The following MDGA2 variants were observed in gnomAD, a reference collection of about 807,000 sequenced individuals.
MDGA2 encodes MAM domain-containing glycosylphosphatidylinositol anchor protein 2.
In MDGA2, 40 loss-of-function variants were observed where a neutral mutation model predicts 117.8. That is an observed-to-expected ratio of 0.34 (90% CI 0.26 to 0.44). The LOEUF is 0.44. Among genes scored for constraint, MDGA2 ranks in the 20% least tolerant of loss-of-function variants. The pLI, the probability that MDGA2 is intolerant of heterozygous loss-of-function variation, is 1.00. For missense variants in MDGA2, 1,123 were observed against 1,250.6 expected (o/e 0.90, Z 1.54); for synonymous variants, 452 against 439.0 (o/e 1.03, Z -0.37).
chr14:47,216,160 C>T (rs180676507), intron 3 of MDGA2, among the ~76,000 whole-genome samples: 59 of 152,160 alleles, frequency 3.9e-4, no homozygotes, highest in Non-Finnish European at 6.6e-4. Context: ...ATGAAAAAGG[C>T]TTTCTAGTAA....
At chr14:47,462,357 C>G (rs1215845352) in intron 1 of MDGA2, among the ~76,000 whole-genome samples, 16 of 116,208 alleles carry the variant, frequency 1.4e-4, no homozygotes, top group Non-Finnish European at 2.3e-4. Context: ...GCCTGGGCGA[C>G]AGAGAGAGAC....
At chr14:47,526,289 C>A (rs1181866150) in intron 1 of MDGA2, among the ~76,000 whole-genome samples, 11 of 152,050 alleles carry the variant, frequency 7.2e-5, no homozygotes, top group Non-Finnish European at 1.5e-4. Context: ...ATAAATAGTA[C>A]ACAAGATATT....
chr14:46,928,395 G>T (rs1884412604), intron 9 of MDGA2, among the ~76,000 whole-genome samples: 1 of 152,002 alleles, frequency 6.6e-6, no homozygotes, highest in Non-Finnish European at 1.5e-5. Flanking sequence ...AGGAAGTCTT[G>T]CCCAGTCATC....
chr14:47,415,046 C>T (rs972941615), intron 1 of MDGA2, among the ~76,000 whole-genome samples: 5 of 152,014 alleles, frequency 3.3e-5, no homozygotes, highest in Non-Finnish European at 7.4e-5. Context: ...TCACCCATTT[C>T]CTTTAACACC....
chr14:47,155,272 G>A (rs1034106291), intron 3 of MDGA2, among the ~76,000 whole-genome samples: 1 of 152,048 alleles, frequency 6.6e-6, no homozygotes. Context: ...ACAAGAACTC[G>A]GGACCTTCTG....
intron 4 of MDGA2, among the ~76,000 whole-genome samples, chr14:47,135,785 T>A (rs1416978535): frequency 6.6e-6 from 1 of 152,134 alleles, no homozygotes; most frequent in East Asian, 1.9e-4. Context: ...ATCAAATTAG[T>A]TATGTCACTA....
chr14:47,438,252 T>C (rs1394340755), intron 1 of MDGA2, among the ~76,000 whole-genome samples: 1 of 152,138 alleles, frequency 6.6e-6, no homozygotes, highest in African/African-American at 2.4e-5. Flanking sequence ...AGATTTTAGC[T>C]CATCTTCAAT....
In MDGA2 at chr14:47,242,868, C is replaced by T. The variant is rs185054308; in HGVS notation, c.421-24673G>A. Among the ~76,000 whole-genome samples the T allele has an allele frequency of 9.4e-4, 143 of 151,916 alleles. 1 individual carries two copies. In the East Asian group the frequency reaches 0.011, roughly 12 times the overall value. ...ACTGGCAGGCAGTTCCACCTGCAGC[C>T]CCGGTGTGGGATCCACTAGGTGAAG... is the stretch of plus-strand genomic sequence containing the variant. On this transcript the variant is annotated intron_variant, in intron 2 of 16. Transcript: ENST00000399232.
At chr14:47,372,956 TA>T (rs758058568) in intron 1 of MDGA2, among the ~76,000 whole-genome samples, 13 of 151,860 alleles carry the variant, frequency 8.6e-5, no homozygotes, top group Non-Finnish European at 1.8e-4. Context: ...TTTTAAATGA[TA>T]AAAAAAATTT....
intron 1 of MDGA2, among the ~76,000 whole-genome samples, chr14:47,612,634 G>A (rs961918446): frequency 6.6e-6 from 1 of 151,958 alleles, no homozygotes; most frequent in African/African-American, 2.4e-5. Context: ...GAAACTATTT[G>A]GGTATGCTTC....
intron 9 of MDGA2, among the ~76,000 whole-genome samples, chr14:46,951,455 T>C (rs1188353249): frequency 6.6e-6 from 1 of 151,994 alleles, no homozygotes. Context: ...TTACAGAATG[T>C]CACTTCTGTG....
chr14:47,000,861 TA>T (rs1449050314), intron 8 of MDGA2, among the ~76,000 whole-genome samples: 1 of 152,016 alleles, frequency 6.6e-6, no homozygotes, highest in Non-Finnish European at 1.5e-5. Flanking sequence ...AAAACCTAAG[TA>T]ATTCTTTGAT....
At chr14:47,122,393 G>A (rs1881699210) in intron 5 of MDGA2, among the ~76,000 whole-genome samples, 2 of 151,900 alleles carry the variant, frequency 1.3e-5, no homozygotes, top group Admixed American at 1.3e-4. Context: ...TTTTTTCATT[G>A]AGTGACCAAT....
chr14:47,256,930 A>T (rs1386331703), intron 2 of MDGA2, among the ~76,000 whole-genome samples: 2 of 151,682 alleles, frequency 1.3e-5, no homozygotes, highest in African/African-American at 4.8e-5. Flanking sequence ...AAGAGGAATG[A>T]AGGAAGTGAG....
At chr14:47,426,054 G>A (rs756765710) in intron 1 of MDGA2, among the ~76,000 whole-genome samples, 2 of 151,830 alleles carry the variant, frequency 1.3e-5, no homozygotes, top group Non-Finnish European at 2.9e-5. Flanking sequence ...TACACAGCCC[G>A]GATGTTTTCA....
rs542511152 is a variant in MDGA2, at chr14:46,841,310, A to AAAT, written c.*618_*620dup. 1 of 152,548 alleles carries AAAT rather than the reference A, an allele frequency of 6.6e-6. No individual in the cohort carries two copies. The highest frequency in any genetic ancestry group is 1.5e-5 in the Non-Finnish European group (1 of 68,050). The allele number at this position is 152,548 out of a possible 1,614,324, so 9.4% of individuals were successfully genotyped here. On this transcript the variant is annotated 3_prime_UTR_variant, in exon 17 of 17. Coordinates refer to ENST00000399232, the MANE Select transcript of MDGA2 (RefSeq NM_001113498.3). ...GTTATCTAGCTTAGCCATGGGAGAA[A>AAAT]AATAATAATAATAAAGGTGGGATGG...
chr14:47,590,224 A>C (rs952849810), intron 1 of MDGA2, among the ~76,000 whole-genome samples: 2 of 151,968 alleles, frequency 1.3e-5, no homozygotes, highest in Non-Finnish European at 2.9e-5. Flanking sequence ...ACCCTACAGT[A>C]TAATGTTAAC....
chr14:47,164,895 T>C (rs150341221), intron 3 of MDGA2, among the ~76,000 whole-genome samples: 1 of 152,180 alleles, frequency 6.6e-6, no homozygotes, highest in Non-Finnish European at 1.5e-5. Context: ...ATGTGGCACA[T>C]AGTCACCATG....
chr14:47,143,979 TAGAG>T, intron 4 of MDGA2, 95 bp downstream of exon 4: 1 of 913,524 alleles, frequency 1.1e-6, no homozygotes, highest in Non-Finnish European at 1.6e-6. Context: ...AAGGCCAGAA[TAGAG>T]AAACTATCTT....
Sources: gnomAD v4.1 joint callset for allele counts (sites outside exome capture counted in the v4.1 genomes callset) on GRCh38, gnomAD v4.1.1 for gene constraint, MANE v1.5 for transcripts, NCBI Gene and HGNC (gene_info 2026-07-23, HGNC 2026-07-21) for gene names.